TECTA: variants seen among roughly 807,000 people sequenced by gnomAD.
The protein encoded by TECTA is tectorin alpha.
In TECTA, 128 loss-of-function variants were observed where a neutral mutation model predicts 216.8. The ratio of observed to expected loss-of-function variants is 0.59; its 90% CI spans 0.51 to 0.68. TECTA has a LOEUF of 0.68. Ranked by LOEUF, TECTA falls within the 30% of genes least tolerant of loss-of-function variation. TECTA has a pLI of 0.00. For missense variants in TECTA, 2,551 were observed against 2,786.2 expected (o/e 0.92, Z 1.90); for synonymous variants, 1,089 against 1,117.1 (o/e 0.97, Z 0.50).
intron 7 of TECTA, among the ~76,000 whole-genome samples, chr11:121,119,294 G>A (rs1217675040): frequency 6.6e-6 from 1 of 152,050 alleles, no homozygotes; most frequent in Non-Finnish European, 1.5e-5. Context: ...ATTGGCTTTG[G>A]TGACTTCCTT....
rs1946621394 is a variant in TECTA at position 121,127,222 on chromosome 11, T to C, written c.1775-530T>C. ...CCAGGGCGCTTTCTTATTTTTAATA[T>C]CCCAGGGAATTCATCCCCACAGCCT... is the stretch of plus-strand genomic sequence containing the variant. On this transcript the variant is annotated intron_variant, in intron 8 of 23. Coordinates refer to ENST00000392793, the MANE Select transcript of TECTA (RefSeq NM_005422.4). This position sits in a 1 kb window ranked among gnomAD's most constrained non-coding sequence, Gnocchi z 5.0. Among the ~76,000 whole-genome samples the C allele has an allele frequency of 6.6e-6, 1 of 152,228 alleles. No individual in the cohort carries two copies. The highest frequency in any genetic ancestry group is 1.5e-5 in the Non-Finnish European group (1 of 68,042).
chr11:121,157,865 G>C lies in TECTA; in HGVS notation c.4330G>C (p.Asp1444His). 2 of 1,614,164 alleles carry C rather than the reference G, an allele frequency of 1.2e-6. No homozygotes were observed. Among genetic ancestry groups the C allele is most frequent in the Non-Finnish European group, 1.7e-6 (2 of 1,180,036 alleles). Reference protein sequence around the residue: ...YEPKQLFWNSDCTRRCRCFRR... With the variant: ...YEPKQLFWNSHCTRRCRCFRR... ...GCCCAAGCAGCTATTTTGGAACAGC[G>C]ACTGCACGCGGCGCTGCCGCTGTTT... Residue 1444 changes from aspartate to histidine, a missense_variant, in exon 14 of 24, where the codon GAC (aspartate) becomes CAC (histidine). Physicochemically the swap from Asp to His is moderately conservative, Grantham distance 81. Around this residue, in one of 3 missense-constraint regions of TECTA, gnomAD observed 2,375 missense variants for 2,563.9 expected, o/e 0.93. Coordinates refer to ENST00000392793, the MANE Select transcript of TECTA (RefSeq NM_005422.4).
intron 3 of TECTA, 141 bp downstream of exon 3, chr11:121,106,105 A>T: frequency 7.7e-7 from 1 of 1,294,114 alleles, no homozygotes; most frequent in Non-Finnish European, 1.1e-6. Flanking sequence ...CTGAGATTTC[A>T]TGAGCTGATA....
intron 15 of TECTA, 131 bp downstream of exon 15, chr11:121,160,552 T>C: frequency 7.6e-7 from 1 of 1,314,358 alleles, no homozygotes; most frequent in Admixed American, 1.9e-5. Flanking sequence ...CCAAAGCTCT[T>C]TGGAGTTTTG....
rs1362841092 is a variant in TECTA, at chr11:121,125,310, C to T, written c.1212C>T (p.Asp404=). 6.2e-7 allele frequency: 1 copy of T among 1,613,310 alleles called. No homozygotes were observed. Among genetic ancestry groups the T allele is most frequent in the Non-Finnish European group, 8.5e-7 (1 of 1,180,030 alleles). Residue 404 remains aspartate, a synonymous_variant, in exon 8 of 24, where the codon GAC becomes GAT. Coordinates refer to ENST00000392793, the MANE Select transcript of TECTA (RefSeq NM_005422.4). Reference sequence around the variant, plus strand: ...ATTACTGTTGTTGGCAGGTTAATGACCTAGTGACTTCTTTGCCTGTCACCT... The same window carrying T: ...ATTACTGTTGTTGGCAGGTTAATGATCTAGTGACTTCTTTGCCTGTCACCT... ...KGSYGRVKVN[D]LVTSLPVTLD...
chr11:121,181,158 C>T (rs562145567), intron 20 of TECTA, among the ~76,000 whole-genome samples: 18 of 151,910 alleles, frequency 1.2e-4, no homozygotes, highest in East Asian at 5.8e-4. Flanking sequence ...AGCAAGACTC[C>T]GTCTCAAAAA....
rs1426167097 is a variant in TECTA, at chr11:121,128,281, A to G, written c.2304A>G (p.Gly768=). 5 of 1,599,646 alleles carry G rather than the reference A, an allele frequency of 3.1e-6. No homozygotes were observed. In the African/African-American group the frequency reaches 5.3e-5, roughly 17 times the overall value. The change falls in exon 9 of 24, where the codon GGA becomes GGG. Residue 768 remains glycine, a synonymous_variant. Coordinates refer to ENST00000392793, the MANE Select transcript of TECTA (RefSeq NM_005422.4). ...KPDAGPAWLR[G]LRILVADQEV... is the part of the protein sequence containing the mutation. ...ATGCAGGACCTGCTTGGCTGCGGGGACTTCGGATCCTGGTGGCCGACCAGG... is the reference window on the plus strand; with the variant it reads ...ATGCAGGACCTGCTTGGCTGCGGGGGCTTCGGATCCTGGTGGCCGACCAGG...
intron 14 of TECTA, among the ~76,000 whole-genome samples, chr11:121,158,863 C>T (rs1246728989): frequency 6.6e-6 from 1 of 152,206 alleles, no homozygotes. Flanking sequence ...CACCCATCCT[C>T]ACAACAAATA....
intron 4 of TECTA, among the ~76,000 whole-genome samples, chr11:121,112,393 A>C (rs1284757278): frequency 6.6e-6 from 1 of 152,094 alleles, no homozygotes; most frequent in African/African-American, 2.4e-5. Context: ...AGTTTTCTTA[A>C]CTATAAGATA....
chr11:121,118,124 A>T (rs1382298249), intron 6 of TECTA, among the ~76,000 whole-genome samples, 182 bp from the exon 7 acceptor site: 1 of 152,168 alleles, frequency 6.6e-6, no homozygotes, highest in Non-Finnish European at 1.5e-5. Context: ...GTGATCCTGG[A>T]TGAATTACTT....
At position 121,107,108 on chromosome 11, in the gene TECTA, C is replaced by T. The variant is rs571146283; in HGVS notation, c.198+1144C>T. On this transcript the variant is annotated intron_variant, in intron 3 of 23. Coordinates refer to ENST00000392793, the MANE Select transcript of TECTA (RefSeq NM_005422.4). ...CTAGCAAACACTTCATTCTGACATCCTGAAACGCCTTTTATACTCTATTCA... is the reference window on the plus strand; with the variant it reads ...CTAGCAAACACTTCATTCTGACATCTTGAAACGCCTTTTATACTCTATTCA... 2.0e-5 allele frequency among the ~76,000 whole-genome samples: 3 copies of T among 152,326 alleles called. No homozygotes were observed. In the East Asian group the frequency reaches 5.8e-4, roughly 29 times the overall value.
intron 20 of TECTA, among the ~76,000 whole-genome samples, chr11:121,171,763 T>TA (rs1947114652): frequency 6.6e-6 from 1 of 152,238 alleles, no homozygotes; most frequent in Non-Finnish European, 1.5e-5. Flanking sequence ...ATGTTGTTTT[T>TA]ATGTCCTGCA....
chr11:121,186,372 G>A (rs1591472810), intron 20 of TECTA, among the ~76,000 whole-genome samples: 1 of 152,346 alleles, frequency 6.6e-6, no homozygotes, highest in African/African-American at 2.4e-5. Context: ...GTGTTTCATT[G>A]TTAATAGAAG....
At chr11:121,157,778 G>A (rs892748685) in intron 13 of TECTA, 63 bp from the exon 14 acceptor site, 38 of 1,611,000 alleles carry the variant, frequency 2.4e-5, no homozygotes, top group Non-Finnish European at 3.1e-5. Flanking sequence ...AGGGGGACTG[G>A]GCTTTCGGGT....
Position 121,113,759 on chromosome 11 carries a change from T to C in TECTA, c.790+41T>C, listed in dbSNP as rs1312465558. 2 of 1,610,850 alleles carry C rather than the reference T, an allele frequency of 1.2e-6. No homozygotes were observed. Among genetic ancestry groups the C allele is most frequent in the South Asian group, 2.2e-5 (2 of 90,764 alleles). ...TGTCTGTGGCAAGGCAGGGTTTGTT[T>C]AGTGTAGATTGACAGGCAAGCTTTT... On this transcript the variant is annotated intron_variant, in intron 6 of 23. Coordinates refer to ENST00000392793, the MANE Select transcript of TECTA (RefSeq NM_005422.4). This position sits in a 1 kb window ranked among gnomAD's most constrained non-coding sequence, Gnocchi z 4.2.
At chr11:121,190,659 G>C in intron 23 of TECTA, 47 bp from the exon 24 acceptor site, 1 of 1,393,632 alleles carries the variant, frequency 7.2e-7, no homozygotes. Flanking sequence ...CTATCAAACA[G>C]GTATTTTTCC....
intron 10 of TECTA, 71 bp from the exon 11 acceptor site, chr11:121,137,346 ACATG>A (rs1946739467): frequency 6.3e-7 from 1 of 1,578,258 alleles, no homozygotes; most frequent in Non-Finnish European, 8.7e-7. Context: ...ACTCATACAC[ACATG>A]CATGCACGCA....
intron 2 of TECTA, among the ~76,000 whole-genome samples, chr11:121,103,069 T>C (rs747926423): frequency 1.3e-5 from 2 of 152,348 alleles, no homozygotes; most frequent in Non-Finnish European, 2.9e-5. Flanking sequence ...CTGATTTCCA[T>C]TAAGGCATTT....
rs190626395 is a variant in TECTA, at chr11:121,145,073, T to C, written c.3544-482T>C. On this transcript the variant is annotated intron_variant, in intron 11 of 23. Coordinates refer to ENST00000392793, the MANE Select transcript of TECTA (RefSeq NM_005422.4). Reference sequence around the variant, plus strand: ...AGGGTCTGGAGGATGAGAGGGATGTTGATGGGTGGAGAGTGGCATTTCAGA... The same window carrying C: ...AGGGTCTGGAGGATGAGAGGGATGTCGATGGGTGGAGAGTGGCATTTCAGA... Among the ~76,000 whole-genome samples the C allele has an allele frequency of 4.6e-5, 7 of 152,190 alleles. No homozygotes were observed. In the East Asian group the frequency reaches 1.4e-3, roughly 29 times the overall value.
Sources: allele counts gnomAD v4.1 joint callset (sites outside exome capture counted in the v4.1 genomes callset), GRCh38; gene constraint gnomAD v4.1.1; regional missense constraint gnomAD v4.1.1; non-coding constraint Gnocchi (gnomAD v3.1); transcripts MANE v1.5; gene names NCBI Gene and HGNC (gene_info 2026-07-23, HGNC 2026-07-21).